PCCA: variants seen among roughly 807,000 people sequenced by gnomAD.
PCCA encodes the protein propionyl-CoA carboxylase alpha chain, mitochondrial.
Under a neutral mutation model 101.3 loss-of-function variants are expected in PCCA, and 74 were observed. That is an observed-to-expected ratio of 0.73 (90% CI 0.61 to 0.89). PCCA has a LOEUF of 0.89. Among genes scored for constraint, PCCA ranks in the 40% least tolerant of loss-of-function variants. The probability of loss-of-function intolerance (pLI) is 0.00; values close to 1 mark genes in which losing one functional copy is unlikely to be tolerated. For synonymous variants in PCCA, 294 were observed against 313.6 expected, an observed-to-expected ratio of 0.94 and a Z score of 0.66; for missense variants, 891 against 907.0, an observed-to-expected ratio of 0.98 and a Z score of 0.23.
chr13:100,110,526 C>T (rs1230109269), intron 2 of PCCA, among the ~76,000 whole-genome samples: 1 of 152,180 alleles, frequency 6.6e-6, no homozygotes, highest in Non-Finnish European at 1.5e-5. Context: ...CACAACTTCT[C>T]TACTGTTTGG....
chr13:100,191,289 A>T (rs2057725320), intron 6 of PCCA, among the ~76,000 whole-genome samples: 1 of 152,220 alleles, frequency 6.6e-6, no homozygotes, highest in Admixed American at 6.5e-5. Flanking sequence ...ACAGCATTTT[A>T]CCGCAGAACT....
At chr13:100,503,574 G>A (rs1260184770) in intron 21 of PCCA, among the ~76,000 whole-genome samples, 1 of 152,048 alleles carries the variant, frequency 6.6e-6, no homozygotes, top group East Asian at 1.9e-4. Flanking sequence ...AGTCAAGGAT[G>A]TTGAATGGCC....
At chr13:100,405,965 C>A (rs934081207) in intron 19 of PCCA, among the ~76,000 whole-genome samples, 2 of 152,100 alleles carry the variant, frequency 1.3e-5, no homozygotes, top group Admixed American at 6.5e-5. Context: ...CAAGATTTCA[C>A]CATGTTGGCC....
intron 18 of PCCA, among the ~76,000 whole-genome samples, chr13:100,355,198 GA>G (rs1428091613): frequency 6.6e-6 from 1 of 151,080 alleles, no homozygotes; most frequent in Non-Finnish European, 1.5e-5. Context: ...TAGAATAAGA[GA>G]AAAAAACCAC....
At position 100,280,819 on chromosome 13, in the gene PCCA, C is replaced by G. The variant is rs78214837; in HGVS notation, c.1065+7473C>G. ...TGAGTAGTGTGATGAAATCTCACAC[C>G]ATCCTGCTCCATCCTGCCTGGTACG... On this transcript the variant is annotated intron_variant, in intron 12 of 23. Transcript: ENST00000376285. Among the ~76,000 whole-genome samples, 69 of 152,114 alleles carry G rather than the reference C, an allele frequency of 4.5e-4. No individual in the cohort carries two copies. In the East Asian group the frequency reaches 0.013, roughly 29 times the overall value.
At chr13:100,503,551 A>G (rs2085843850) in intron 21 of PCCA, among the ~76,000 whole-genome samples, 1 of 152,064 alleles carries the variant, frequency 6.6e-6, no homozygotes, top group Non-Finnish European at 1.5e-5. Flanking sequence ...CTTGTGTTTA[A>G]AAGTCTACAG....
At chr13:100,443,636 G>T in intron 20 of PCCA, among the ~76,000 whole-genome samples, 1 of 127,240 alleles carries the variant, frequency 7.9e-6, no homozygotes, top group East Asian at 2.5e-4. Flanking sequence ...CCACGCAGCA[G>T]TTCAGTGGGT....
chr13:100,505,348 A>G (rs919815550), intron 21 of PCCA, among the ~76,000 whole-genome samples: 13 of 152,304 alleles, frequency 8.5e-5, no homozygotes, highest in African/African-American at 3.1e-4. Context: ...CTAATTCACT[A>G]TGCTTTTAAC....
At chr13:100,110,197 T>C (rs2048184429) in intron 2 of PCCA, among the ~76,000 whole-genome samples, 2 of 152,234 alleles carry the variant, frequency 1.3e-5, no homozygotes, top group Admixed American at 6.5e-5. Context: ...AGGTCATTTA[T>C]AACTCTAACT....
At chr13:100,404,146 A>C (rs1315179706) in intron 19 of PCCA, among the ~76,000 whole-genome samples, 1 of 152,186 alleles carries the variant, frequency 6.6e-6, no homozygotes, top group Non-Finnish European at 1.5e-5. Flanking sequence ...TGAAGGCAAG[A>C]ACAGACAAAC....
At chr13:100,491,923 A>G (rs1328803639) in intron 21 of PCCA, 1 of 261,060 alleles carries the variant, frequency 3.8e-6, no homozygotes. Flanking sequence ...GAAGCACTGG[A>G]TGACTCTAAT....
At chr13:100,195,882 A>G (rs2058074197) in intron 6 of PCCA, among the ~76,000 whole-genome samples, 1 of 152,188 alleles carries the variant, frequency 6.6e-6, no homozygotes. Context: ...ACAAAGAGTG[A>G]AGAATGTGAG....
chr13:100,116,702 G>A (rs1021211585), intron 4 of PCCA, among the ~76,000 whole-genome samples: 1 of 151,960 alleles, frequency 6.6e-6, no homozygotes, highest in African/African-American at 2.4e-5. Flanking sequence ...ATTTTTTTTG[G>A]GTAAATATCT....
chr13:100,292,108 C>T (rs1161753703), intron 12 of PCCA, among the ~76,000 whole-genome samples: 1 of 152,130 alleles, frequency 6.6e-6, no homozygotes, highest in African/African-American at 2.4e-5. Context: ...CTTCTCAGAG[C>T]AGGAATAGCT....
intron 9 of PCCA, among the ~76,000 whole-genome samples, chr13:100,261,874 A>G (rs1313628787): frequency 1.3e-5 from 2 of 152,144 alleles, no homozygotes; most frequent in Non-Finnish European, 2.9e-5. Flanking sequence ...TTAAAATATT[A>G]AGCAGTGTTC....
intron 16 of PCCA, among the ~76,000 whole-genome samples, chr13:100,324,429 G>A (rs2152722678): frequency 6.6e-6 from 1 of 151,998 alleles, no homozygotes; most frequent in African/African-American, 2.4e-5. Flanking sequence ...AAAATTATTT[G>A]AAGATTTGTG....
chr13:100,530,428 T>G lies in PCCA; in HGVS notation c.*262T>G, dbSNP rs1298090434. 4 of 563,598 alleles carry G rather than the reference T, an allele frequency of 7.1e-6. No individual in the cohort carries two copies. The African/African-American group carries it at 7.5e-5, about 11-fold the overall frequency. The allele number at this position is 563,598 out of a possible 1,614,324, so 34.9% of individuals were successfully genotyped here. Reference sequence around the variant, plus strand: ...AATTAAATCAATAAAACTGAGCATTTGTCTAAATATTAGTTTGCCCTTTCT... The same window carrying G: ...AATTAAATCAATAAAACTGAGCATTGGTCTAAATATTAGTTTGCCCTTTCT... On this transcript the variant is annotated 3_prime_UTR_variant, in exon 24 of 24. Coordinates refer to ENST00000376285, the MANE Select transcript of PCCA (RefSeq NM_000282.4).
chr13:100,337,735 A>C (rs188016378), intron 17 of PCCA, among the ~76,000 whole-genome samples: 17 of 152,314 alleles, frequency 1.1e-4, no homozygotes, highest in Admixed American at 4.6e-4. Context: ...TGAAATACTG[A>C]TTGAGCATCT....
At position 100,515,463 on chromosome 13, in the gene PCCA, T is replaced by C; in HGVS notation, c.1936T>C (p.Leu646=). 1 of 1,614,120 alleles carries C rather than the reference T, an allele frequency of 6.2e-7. No homozygotes were observed. Among genetic ancestry groups the C allele is most frequent in the Non-Finnish European group, 8.5e-7 (1 of 1,179,988 alleles). Residue 646 remains leucine (L), a synonymous_variant, in exon 22 of 24, where the codon TTG becomes CTG. Transcript: ENST00000376285. ...VNILTRLAAE[L]NKFMLEKVTE... is the part of the protein sequence containing the mutation. Reference sequence around the variant, plus strand: ...TATCTTAACCAGACTTGCCGCAGAATTGAACAAATTTATGCTGGAAAAAGT... The same window carrying C: ...TATCTTAACCAGACTTGCCGCAGAACTGAACAAATTTATGCTGGAAAAAGT...
Sources: allele counts gnomAD v4.1 joint callset (sites outside exome capture counted in the v4.1 genomes callset), GRCh38; gene constraint gnomAD v4.1.1; transcripts MANE v1.5; gene names NCBI Gene and HGNC (gene_info 2026-07-23, HGNC 2026-07-21).